Variants in ACSL6 observed in about 807,000 individuals in gnomAD.
ACSL6 encodes long-chain-fatty-acid--CoA ligase 6.
In ACSL6, 47 loss-of-function variants were observed where a neutral mutation model predicts 98.2. That is an observed-to-expected ratio of 0.48 (90% CI 0.38 to 0.61). The LOEUF is 0.61. Among genes scored for constraint, ACSL6 ranks in the 20% least tolerant of loss-of-function variants. ACSL6 has a pLI of 0.00. For synonymous variants in ACSL6, 362 were observed against 336.9 expected, an observed-to-expected ratio of 1.07 and a Z score of -0.82; for missense variants, 761 against 913.4, an observed-to-expected ratio of 0.83 and a Z score of 2.15.
intron 9 of ACSL6, among the ~76,000 whole-genome samples, chr5:131,981,320 A>AT (rs1753877054): frequency 8.0e-6 from 1 of 125,256 alleles, no homozygotes; most frequent in African/African-American, 3.8e-5. Flanking sequence ...ATAGTCAACT[A>AT]TTAAAAAAAA....
chr5:132,004,463 G>A lies in ACSL6; in HGVS notation c.49+7042C>T, dbSNP rs141419597. On this transcript the variant is annotated intron_variant, in intron 1 of 20. Coordinates refer to ENST00000651883, the MANE Select transcript of ACSL6 (RefSeq NM_001009185.3). ...GAGTTGATTTTGAACCAACAGGTGGGTTGGTGGATGCTCCACAGATCTCCT... is the reference window on the plus strand; with the variant it reads ...GAGTTGATTTTGAACCAACAGGTGGATTGGTGGATGCTCCACAGATCTCCT... Among the ~76,000 whole-genome samples the A allele has an allele frequency of 2.1e-4, 32 of 152,300 alleles. No individual in the cohort carries two copies. The East Asian group carries it at 4.8e-3, about 23-fold the overall frequency.
At chr5:131,996,051 C>T (rs1368463875) in intron 1 of ACSL6, among the ~76,000 whole-genome samples, 1 of 152,216 alleles carries the variant, frequency 6.6e-6, no homozygotes, top group Non-Finnish European at 1.5e-5. Flanking sequence ...TTATGCCCTG[C>T]AGATGGCACA....
At chr5:131,993,773 C>A (rs918756142) in intron 2 of ACSL6, 8 of 490,422 alleles carry the variant, frequency 1.6e-5, no homozygotes, top group African/African-American at 1.2e-4. Flanking sequence ...CCCTCCTACC[C>A]GAGAAGCAGG....
intron 5 of ACSL6, 76 bp downstream of exon 5, chr5:131,989,331 T>C: frequency 1.5e-6 from 2 of 1,373,550 alleles, no homozygotes; most frequent in South Asian, 1.2e-5. Flanking sequence ...CTACAAACAG[T>C]GAAAGCAGGA....
In ACSL6 at chr5:131,971,168, C is replaced by T. The variant is rs144941810; in HGVS notation, c.1434+382G>A. 3.7e-3 allele frequency among the ~76,000 whole-genome samples: 570 copies of T among 152,248 alleles called. 4 individuals are homozygous for T. Among genetic ancestry groups the T allele is most frequent in the African/African-American group, 0.013 (540 of 41,540 alleles). On this transcript the variant is annotated intron_variant, in intron 14 of 20. Coordinates refer to ENST00000651883, the MANE Select transcript of ACSL6 (RefSeq NM_001009185.3). ...ATAGATCAAATAACACATAAATGGG[C>T]TTTCTCCCTTGTTCTCCTTTTCTGG...
rs1432310488 is a variant in ACSL6 at position 131,949,992 on chromosome 5, TTTA to T, written c.*4239_*4241del. The stretch of plus-strand genomic sequence containing the variant: ...AGCAACTTTGAGAAATGAAAAATCT[TTTA>T]TTTTTTACAAAAATTTTCATAAATG... On this transcript the variant is annotated 3_prime_UTR_variant, in exon 21 of 21. Coordinates refer to ENST00000651883, the MANE Select transcript of ACSL6 (RefSeq NM_001009185.3). 5 of 172,742 alleles carry T rather than the reference TTTA, an allele frequency of 2.9e-5. No homozygotes were observed. In the East Asian group the frequency reaches 5.4e-4, roughly 19 times the overall value. The allele number at this position is 172,742 out of a possible 1,614,324, so 10.7% of individuals were successfully genotyped here.
rs1216091782 is a variant in ACSL6, at chr5:131,974,913, T to C, written c.1048A>G (p.Met350Val). 3.1e-6 allele frequency: 5 copies of C among 1,613,932 alleles called. No individual in the cohort carries two copies. Among genetic ancestry groups the C allele is most frequent in the Admixed American group, 1.7e-5 (1 of 59,992 alleles). ...CTTACCTGGATTACTCTCTCAAACA[T>C]GTGAGCCAGAGGCAGGAAGGAGATG... Reference protein sequence around the residue: ...VLISFLPLAHMFERVIQSVVY... With the variant: ...VLISFLPLAHVFERVIQSVVY... The change falls in exon 11 of 21, where the codon ATG (methionine) becomes GTG (valine). Residue 350 changes from methionine to valine, a missense_variant. Met to Val is a conservative substitution (Grantham distance 21, BLOSUM62 1). Transcript: ENST00000651883.
At chr5:131,994,358 C>G (rs115045864) in intron 1 of ACSL6, 107 bp from the exon 2 acceptor site, 1 of 1,021,830 alleles carries the variant, frequency 9.8e-7, no homozygotes, top group Non-Finnish European at 1.4e-6. Flanking sequence ...TAGGGCAGGC[C>G]CTCGGGGAGT....
intron 16 of ACSL6, among the ~76,000 whole-genome samples, chr5:131,967,104 G>A (rs1411179906): frequency 6.6e-6 from 1 of 152,148 alleles, no homozygotes; most frequent in Non-Finnish European, 1.5e-5. Context: ...CAGTGCTTTG[G>A]GAAGCCGAGG....
At chr5:132,002,421 G>C (rs1485151481) in intron 1 of ACSL6, among the ~76,000 whole-genome samples, 2 of 152,218 alleles carry the variant, frequency 1.3e-5, no homozygotes, top group Admixed American at 6.5e-5. Flanking sequence ...ACTGCAGGTG[G>C]CTGGGGTACA....
At chr5:131,998,476 C>A (rs141398515) in intron 1 of ACSL6, among the ~76,000 whole-genome samples, 1 of 152,180 alleles carries the variant, frequency 6.6e-6, no homozygotes, top group African/African-American at 2.4e-5. Context: ...TGGGAGAGAA[C>A]AGGAAGAAAG....
At chr5:131,956,259 G>A (rs1446271292) in intron 20 of ACSL6, among the ~76,000 whole-genome samples, 2 of 152,166 alleles carry the variant, frequency 1.3e-5, no homozygotes, top group African/African-American at 2.4e-5. Context: ...AAGTAGAAAT[G>A]TAAAAGAAAA....
chr5:131,975,731 G>T, intron 10 of ACSL6: 2 of 985,474 alleles, frequency 2.0e-6, no homozygotes, highest in Non-Finnish European at 2.4e-6. Flanking sequence ...ACTCCAGCCA[G>T]GGGAGCCCTG....
chr5:131,997,036 C>T (rs1231423340), intron 1 of ACSL6, among the ~76,000 whole-genome samples: 2 of 152,162 alleles, frequency 1.3e-5, no homozygotes, highest in East Asian at 3.9e-4. Context: ...ATATTCTGTG[C>T]AGAAAATAAA....
chr5:131,972,638 A>G, intron 13 of ACSL6, 86 bp downstream of exon 13: 1 of 1,455,362 alleles, frequency 6.9e-7, no homozygotes, highest in Non-Finnish European at 9.5e-7. Flanking sequence ...ATTACAGGGC[A>G]CTGGGATGAA....
chr5:131,956,933 C>G (rs2149680712), intron 20 of ACSL6, among the ~76,000 whole-genome samples: 1 of 152,272 alleles, frequency 6.6e-6, no homozygotes, highest in African/African-American at 2.4e-5. Flanking sequence ...TGAAACCATA[C>G]TCTTTTCACT....
chr5:131,962,305 G>A (rs1006137610), intron 18 of ACSL6, among the ~76,000 whole-genome samples: 1 of 152,194 alleles, frequency 6.6e-6, no homozygotes, highest in African/African-American at 2.4e-5. Context: ...GAAGTAAGTA[G>A]AGCATAAGTG....
At position 132,011,525 on chromosome 5, in the gene ACSL6, C is replaced by A. The variant is rs1305076937; in HGVS notation, c.29G>T (p.Gly10Val). Residue 10 changes from glycine (G) to valine (V), a missense_variant, in exon 1 of 21, where the codon GGC becomes GTC. Gly to Val is a moderately radical substitution (Grantham distance 109, BLOSUM62 -3). Transcript: ENST00000651883. The surrounding 1 kb of genome is among the most constrained non-coding windows in gnomAD (Gnocchi z 5.4). MLTFFLVSG[G>V]SLWLFVEFVL... is the part of the protein sequence containing the mutation. ...CTTACCTACGAATAGCCAGAGGGAG[C>A]CCCCCGACACGAGGAAGAAGGTCAG... 2.5e-6 allele frequency: 4 copies of A among 1,604,376 alleles called. No individual in the cohort carries two copies. The highest frequency in any genetic ancestry group is 3.4e-6 in the Non-Finnish European group (4 of 1,175,816).
At chr5:132,011,902 C>A, upstream of ACSL6, 1 of 1,554,952 alleles carries the variant, frequency 6.4e-7, no homozygotes, top group East Asian at 2.4e-5. This position sits in a 1 kb window ranked among gnomAD's most constrained non-coding sequence, Gnocchi z 5.4. Context: ...CCCCGCTCTC[C>A]AACGTCAGTA....
Sources: gnomAD v4.1 joint callset for allele counts (sites outside exome capture counted in the v4.1 genomes callset) on GRCh38, gnomAD v4.1.1 for gene constraint, Gnocchi (gnomAD v3.1) non-coding constraint, MANE v1.5 for transcripts, NCBI Gene and HGNC (gene_info 2026-07-23, HGNC 2026-07-21) for gene names.